Variants in MPP7 observed in about 807,000 individuals in gnomAD.
MPP7 encodes MAGUK p55 subfamily member 7.
In MPP7, 60 loss-of-function variants were observed where a neutral mutation model predicts 76.5. That is an observed-to-expected ratio of 0.78 (90% CI 0.64 to 0.97). MPP7 has a LOEUF of 0.97. MPP7 is among the 50% of genes least tolerant of loss of function. The pLI is 0.00. For synonymous variants in MPP7, 237 were observed against 244.5 expected (o/e 0.97, Z 0.29); for missense variants, 641 against 694.0 (o/e 0.92, Z 0.86).
At chr10:28,257,917 T>A (rs555678533) in intron 1 of MPP7, among the ~76,000 whole-genome samples, 1 of 152,238 alleles carries the variant, frequency 6.6e-6, no homozygotes, top group South Asian at 2.1e-4. Flanking sequence ...GGGCTCTGTT[T>A]TGGCTTCTCA....
At chr10:28,201,741 A>C (rs1287314338) in intron 3 of MPP7, among the ~76,000 whole-genome samples, 7 of 152,206 alleles carry the variant, frequency 4.6e-5, no homozygotes. Flanking sequence ...TGACTTTGTT[A>C]AAGGAAATTA....
intron 12 of MPP7, among the ~76,000 whole-genome samples, chr10:28,079,556 C>T (rs1253136028): frequency 2.6e-5 from 4 of 152,092 alleles, no homozygotes; most frequent in East Asian, 3.9e-4. Flanking sequence ...CAGGCAATAA[C>T]ATCAGCGCCT....
chr10:28,160,207 A>G (rs1025106728), intron 3 of MPP7, among the ~76,000 whole-genome samples: 1 of 152,116 alleles, frequency 6.6e-6, no homozygotes, highest in African/African-American at 2.4e-5. Flanking sequence ...TTAGTTCACA[A>G]TCTCACAATC....
chr10:28,094,668 GCTCA>G (rs1052243061), intron 11 of MPP7, among the ~76,000 whole-genome samples: 5 of 152,076 alleles, frequency 3.3e-5, no homozygotes, highest in Non-Finnish European at 7.3e-5. Context: ...GAGTTAAGAG[GCTCA>G]CTAATTAGTT....
Position 28,079,647 on chromosome 10 carries a change from C to CA in MPP7, c.1124-9796dup, listed in dbSNP as rs571500914. On this transcript the variant is annotated intron_variant, in intron 12 of 16. Coordinates refer to ENST00000683449, the MANE Select transcript of MPP7 (RefSeq NM_001318170.2). ...TAATGTTCTTATACTGACAAAAAAA[C>CA]AAAAAACCTGTTAATGGCCATGGTC... is the stretch of plus-strand genomic sequence containing the variant. Among the ~76,000 whole-genome samples the CA allele has an allele frequency of 2.5e-3, 386 of 152,176 alleles. 12 individuals are homozygous for CA. The highest frequency in any genetic ancestry group is 0.022 in the Admixed American group (343 of 15,272).
chr10:28,185,772 T>C (rs1252394887), intron 3 of MPP7, among the ~76,000 whole-genome samples: 1 of 152,250 alleles, frequency 6.6e-6, no homozygotes, highest in Admixed American at 6.5e-5. Flanking sequence ...TTCAAACACA[T>C]GCTCTAGAAA....
rs776801403 is a variant in MPP7, at chr10:28,202,139, T to C, written c.156+14A>G. 1.3e-6 allele frequency: 2 copies of C among 1,551,950 alleles called. No individual in the cohort carries two copies. The highest frequency in any genetic ancestry group is 1.8e-6 in the Non-Finnish European group (2 of 1,125,310). ...TGCTTTTCGCAAAGAGAATCTGACA[T>C]CAGCATGGTTTACCTTTACCAATGA... On this transcript the variant is annotated intron_variant, in intron 3 of 16. Transcript: ENST00000683449.
chr10:28,265,318 G>A (rs888091307), intron 1 of MPP7, among the ~76,000 whole-genome samples: 1 of 152,178 alleles, frequency 6.6e-6, no homozygotes, highest in Non-Finnish European at 1.5e-5. Flanking sequence ...CAACACTTTG[G>A]GAGGCCAAGG....
intron 5 of MPP7, among the ~76,000 whole-genome samples, chr10:28,138,948 AC>A (rs1224533111): frequency 6.6e-5 from 10 of 152,220 alleles, no homozygotes; most frequent in African/African-American, 2.2e-4. Context: ...AGATAAGAAG[AC>A]CATCCTGTGT....
intron 3 of MPP7, among the ~76,000 whole-genome samples, chr10:28,170,492 C>A (rs1406938122): frequency 6.6e-6 from 1 of 151,718 alleles, no homozygotes; most frequent in East Asian, 1.9e-4. Context: ...TTTATCATCG[C>A]TGCCTGGATC....
intron 2 of MPP7, among the ~76,000 whole-genome samples, chr10:28,315,039 C>T (rs532266041): frequency 1.2e-4 from 18 of 151,934 alleles, no homozygotes; most frequent in African/African-American, 3.6e-4. Context: ...AACCAGCTAC[C>T]TGGTAGGCTG....
chr10:28,326,793 G>A (rs1203438879), intron 2 of MPP7, among the ~76,000 whole-genome samples: 1 of 152,236 alleles, frequency 6.6e-6, no homozygotes, highest in East Asian at 1.9e-4. Context: ...CACATTGCCA[G>A]GGTACATGCC....
chr10:28,297,704 A>C (rs891713230), intron 1 of MPP7, among the ~76,000 whole-genome samples: 8 of 152,106 alleles, frequency 5.3e-5, no homozygotes, highest in Admixed American at 3.9e-4. Context: ...GTCTCAAAAA[A>C]ATAAAAAAAA....
At chr10:28,244,718 G>A (rs1057180617) in intron 1 of MPP7, among the ~76,000 whole-genome samples, 4 of 152,110 alleles carry the variant, frequency 2.6e-5, no homozygotes, top group African/African-American at 9.7e-5. Context: ...TAATCCCCAG[G>A]CGAAGAGACC....
chr10:28,307,597 T>TG (rs892285556), upstream of MPP7: 4 of 152,214 alleles, frequency 2.6e-5, no homozygotes, highest in Non-Finnish European at 5.9e-5. Flanking sequence ...GATGAAAACT[T>TG]GGGTGATCCC....
In MPP7 at chr10:28,094,954, C is replaced by CTAAA. The variant is rs562543238; in HGVS notation, c.953-5117_953-5114dup. Among the ~76,000 whole-genome samples the CTAAA allele has an allele frequency of 6.7e-3, 1,020 of 151,786 alleles. 6 individuals carry two copies. Among genetic ancestry groups the CTAAA allele is most frequent in the Non-Finnish European group, 0.01 (701 of 67,954 alleles). ...TGGGCAACAGAGCAAGACCTTATCTCTAAATAAATAAATAAATAAGTTTAA... is the reference window on the plus strand; with the variant it reads ...TGGGCAACAGAGCAAGACCTTATCTCTAAATAAATAAATAAATAAATAAGTTTAA... On this transcript the variant is annotated intron_variant, in intron 11 of 16. Coordinates refer to ENST00000683449, the MANE Select transcript of MPP7 (RefSeq NM_001318170.2).
intron 3 of MPP7, among the ~76,000 whole-genome samples, chr10:28,197,824 A>C (rs1837637944): frequency 6.6e-6 from 1 of 152,116 alleles, no homozygotes; most frequent in East Asian, 1.9e-4. Context: ...TGGATACCCC[A>C]TTTACCCTGA....
chr10:28,247,356 T>G (rs1009493586), intron 1 of MPP7, among the ~76,000 whole-genome samples: 3 of 152,194 alleles, frequency 2.0e-5, no homozygotes, highest in Non-Finnish European at 4.4e-5. Flanking sequence ...AATTATGTCA[T>G]AATACTAAAG....
At chr10:28,240,093 G>A (rs948174536) in intron 1 of MPP7, among the ~76,000 whole-genome samples, 37 of 152,024 alleles carry the variant, frequency 2.4e-4, no homozygotes, top group African/African-American at 8.9e-4. Flanking sequence ...AACAGAGAAA[G>A]TACTCCATTT....
Sources: gnomAD v4.1 joint callset for allele counts (sites outside exome capture counted in the v4.1 genomes callset) on GRCh38, gnomAD v4.1.1 for gene constraint, MANE v1.5 for transcripts, NCBI Gene and HGNC (gene_info 2026-07-23, HGNC 2026-07-21) for gene names.